The following KCNH1 variants were observed in gnomAD, a reference collection of about 807,000 sequenced individuals.
The protein encoded by KCNH1 is potassium voltage-gated channel subfamily H member 1, also known as voltage-gated delayed rectifier potassium channel KCNH1.
Under a neutral mutation model 69.2 loss-of-function variants are expected in KCNH1, and 27 were observed. The observed-to-expected ratio is 0.39, with a 90% confidence interval of 0.29 to 0.54. The LOEUF (loss-of-function observed/expected upper bound fraction) is 0.54, where lower values mean the gene tolerates loss of function less well. Ranked by LOEUF, KCNH1 falls within the 20% of genes least tolerant of loss-of-function variation. KCNH1 has a pLI of 0.68. For missense variants in KCNH1, 798 were observed against 1,261.6 expected (o/e 0.63, Z 5.57); for synonymous variants, 456 against 487.7 (o/e 0.93, Z 0.86).
At chr1:211,060,592 A>G (rs1558587264) in intron 5 of KCNH1, among the ~76,000 whole-genome samples, 1 of 151,844 alleles carries the variant, frequency 6.6e-6, no homozygotes, top group Non-Finnish European at 1.5e-5. Flanking sequence ...GACTAAAAAA[A>G]AAGAAAGAAG....
chr1:211,099,551 C>T (rs920173662), intron 3 of KCNH1, among the ~76,000 whole-genome samples: 5 of 152,144 alleles, frequency 3.3e-5, no homozygotes, highest in African/African-American at 7.2e-5. Flanking sequence ...AACCCTCCTT[C>T]CTCCCCTCCG....
chr1:210,989,216 T>C (rs1407649491), intron 6 of KCNH1, among the ~76,000 whole-genome samples: 3 of 152,226 alleles, frequency 2.0e-5, no homozygotes, highest in Admixed American at 2.0e-4. Context: ...CACCCTCTCC[T>C]AAATTCAAGA....
At chr1:210,846,163 T>C (rs1438381758) in intron 7 of KCNH1, among the ~76,000 whole-genome samples, 2 of 152,156 alleles carry the variant, frequency 1.3e-5, no homozygotes, top group Non-Finnish European at 2.9e-5. Context: ...CCCAAGGTAA[T>C]TTATAGATTC....
chr1:210,825,006 A>T (rs1685005561), intron 7 of KCNH1, among the ~76,000 whole-genome samples: 1 of 152,176 alleles, frequency 6.6e-6, no homozygotes. Context: ...AAACTATTGA[A>T]CTCACAGTGG....
At chr1:210,960,190 A>C (rs1186547716) in intron 6 of KCNH1, among the ~76,000 whole-genome samples, 8 of 152,190 alleles carry the variant, frequency 5.3e-5, no homozygotes, top group Non-Finnish European at 8.8e-5. Context: ...TGAGGACTAG[A>C]ACATCACCAA....
intron 5 of KCNH1, among the ~76,000 whole-genome samples, chr1:211,066,493 A>T (rs1001989876): frequency 1.3e-5 from 2 of 152,208 alleles, no homozygotes; most frequent in African/African-American, 4.8e-5. Flanking sequence ...AATATTGTGC[A>T]TGAAACAGTT....
At chr1:211,100,039 T>C (rs996908089) in intron 3 of KCNH1, among the ~76,000 whole-genome samples, 2 of 152,206 alleles carry the variant, frequency 1.3e-5, no homozygotes, top group African/African-American at 4.8e-5. Context: ...TTCTTTTCAT[T>C]TCTTTTTTAG....
chr1:210,999,966 C>A (rs375344679), intron 6 of KCNH1, among the ~76,000 whole-genome samples: 1 of 152,174 alleles, frequency 6.6e-6, no homozygotes, highest in Admixed American at 6.5e-5. Context: ...ATTCAACAAC[C>A]CTTCATGTTA....
At chr1:210,728,775 C>T (rs1031706420) in intron 10 of KCNH1, among the ~76,000 whole-genome samples, 71 of 152,220 alleles carry the variant, frequency 4.7e-4, no homozygotes, top group African/African-American at 1.7e-3. Flanking sequence ...GTAGAAAGTA[C>T]AGCTCTATAT....
At chr1:210,773,079 T>C (rs1683782882) in intron 10 of KCNH1, among the ~76,000 whole-genome samples, 1 of 152,172 alleles carries the variant, frequency 6.6e-6, no homozygotes, top group Non-Finnish European at 1.5e-5. Context: ...TCAGCAACAC[T>C]GAAAGCTGAT....
chr1:210,859,339 A>G (rs576175995), intron 7 of KCNH1: 7 of 1,527,936 alleles, frequency 4.6e-6, no homozygotes, highest in Admixed American at 1.7e-5. Context: ...TTCTTCATTA[A>G]GACCATGAGT....
chr1:210,994,512 G>A (rs1383799223), intron 6 of KCNH1, among the ~76,000 whole-genome samples: 2 of 152,208 alleles, frequency 1.3e-5, no homozygotes, highest in Non-Finnish European at 1.5e-5. Context: ...GAGTCTTCAA[G>A]GAGATGGTAG....
chr1:210,825,220 A>T (rs897633960), intron 7 of KCNH1, among the ~76,000 whole-genome samples: 2 of 152,210 alleles, frequency 1.3e-5, no homozygotes, highest in African/African-American at 4.8e-5. Flanking sequence ...TGAAGACAAC[A>T]GCTACGTCAG....
intron 6 of KCNH1, among the ~76,000 whole-genome samples, chr1:210,945,427 T>C (rs1289763290): frequency 6.6e-6 from 1 of 152,204 alleles, no homozygotes; most frequent in Non-Finnish European, 1.5e-5. Flanking sequence ...AAAGATTAAG[T>C]AACTTTCCCA....
At chr1:210,834,879 G>C (rs910859202) in intron 7 of KCNH1, among the ~76,000 whole-genome samples, 1 of 152,006 alleles carries the variant, frequency 6.6e-6, no homozygotes. Context: ...ATGGTGCCTA[G>C]ATCTTGTACT....
intron 6 of KCNH1, among the ~76,000 whole-genome samples, chr1:210,930,179 A>G (rs1687654100): frequency 6.6e-6 from 1 of 152,278 alleles, no homozygotes; most frequent in Admixed American, 6.5e-5. Flanking sequence ...TAGAAAAAAC[A>G]ATCCTAAAAT....
intron 10 of KCNH1, among the ~76,000 whole-genome samples, chr1:210,745,938 T>C (rs1683142400): frequency 6.6e-6 from 1 of 152,184 alleles, no homozygotes. Flanking sequence ...GGGGTGGTGC[T>C]TTTACTCACA....
chr1:210,859,780 A>G, intron 7 of KCNH1: 1 of 1,013,288 alleles, frequency 9.9e-7, no homozygotes, highest in East Asian at 2.4e-5. Context: ...GAGAACACAC[A>G]TCCTTCTGTC....
rs140737667 is a variant in KCNH1 at position 210,756,889 on chromosome 1, C to T, written c.2112+18459G>A. ...AACAAGGTCAGGAAGGAGCTAGAAACAAATTTGGGGGAGAGGGAAGCTGGA... is the reference window on the plus strand; with the variant it reads ...AACAAGGTCAGGAAGGAGCTAGAAATAAATTTGGGGGAGAGGGAAGCTGGA... On this transcript the variant is annotated intron_variant, in intron 10 of 10. Coordinates refer to ENST00000271751, the MANE Select transcript of KCNH1 (RefSeq NM_172362.3). 6.6e-5 allele frequency among the ~76,000 whole-genome samples: 10 copies of T among 152,304 alleles called. No homozygotes were observed. In the East Asian group the frequency reaches 1.9e-3, roughly 29 times the overall value.
Sources: allele counts gnomAD v4.1 joint callset (sites outside exome capture counted in the v4.1 genomes callset), GRCh38; gene constraint gnomAD v4.1.1; transcripts MANE v1.5; gene names NCBI Gene and HGNC (gene_info 2026-07-23, HGNC 2026-07-21).